The following NEB variants were observed in gnomAD, a reference collection of about 807,000 sequenced individuals.
NEB encodes the protein nemaline myopathy type 2.
Under a neutral mutation model 952.2 loss-of-function variants are expected in NEB, and 512 were observed. That is an observed-to-expected ratio of 0.54 (90% CI 0.50 to 0.58). The LOEUF (loss-of-function observed/expected upper bound fraction) is 0.58. NEB is among the 20% of genes least tolerant of loss of function. The pLI is 0.00. For missense variants in NEB, 8,428 were observed against 9,231.1 expected, an observed-to-expected ratio of 0.91 and a Z score of 3.56; for synonymous variants, 2,900 against 3,149.8, an observed-to-expected ratio of 0.92 and a Z score of 2.66.
intron 52 of NEB, among the ~76,000 whole-genome samples, chr2:151,651,698 G>T (rs890540768): frequency 6.6e-6 from 1 of 152,152 alleles, no homozygotes; most frequent in Non-Finnish European, 1.5e-5. Context: ...TAACAACAGT[G>T]ATAATAATGA....
intron 28 of NEB, among the ~76,000 whole-genome samples, chr2:151,683,417 G>A (rs979463767): frequency 1.3e-5 from 2 of 152,118 alleles, no homozygotes; most frequent in African/African-American, 2.4e-5. Flanking sequence ...ACCATAGGTG[G>A]TACCAAAAAT....
At chr2:151,514,775 T>G in intron 158 of NEB, 43 bp downstream of exon 158, 1 of 1,300,044 alleles carries the variant, frequency 7.7e-7, no homozygotes, top group Non-Finnish European at 1.1e-6. Flanking sequence ...ACTAGTGCAA[T>G]TATTTGGATT....
In NEB at chr2:151,727,731, T is replaced by C. The variant is rs1201662596; in HGVS notation, c.254A>G (p.Tyr85Cys). The change falls in exon 5 of 182, where the codon TAC (tyrosine) becomes TGC (cysteine). Residue 85 changes from tyrosine to cysteine, a missense_variant. Coordinates refer to ENST00000397345, the MANE Select transcript of NEB (RefSeq NM_001164508.2). Reference protein sequence around the residue: ...KVDPSKFMTPYIAHSQKMQDL... With the variant: ...KVDPSKFMTPCIAHSQKMQDL... ...CTGCATTTTCTGACTGTGTGCAATG[T>C]AGGGGGTCATGAACTTTGAAGGATC... 2 of 1,613,618 alleles carry C rather than the reference T, an allele frequency of 1.2e-6. No individual in the cohort carries two copies. The highest frequency in any genetic ancestry group is 1.7e-6 in the Non-Finnish European group (2 of 1,179,684).
intron 12 of NEB, among the ~76,000 whole-genome samples, chr2:151,707,864 C>A (rs1439692025): frequency 2.0e-5 from 3 of 152,190 alleles, no homozygotes; most frequent in African/African-American, 7.2e-5. Context: ...AGGCATCAAC[C>A]CCTCAGCCTC....
chr2:151,523,453 C>G (rs896715066), intron 153 of NEB, among the ~76,000 whole-genome samples: 3 of 152,172 alleles, frequency 2.0e-5, no homozygotes, highest in African/African-American at 7.2e-5. Context: ...TATCCCAAAC[C>G]TATTTCTTCA....
chr2:151,683,240 G>T (rs2099441277), intron 28 of NEB, among the ~76,000 whole-genome samples: 1 of 152,136 alleles, frequency 6.6e-6, no homozygotes, highest in Admixed American at 6.6e-5. Flanking sequence ...TGCACACATG[G>T]CCCTTCATGT....
intron 78 of NEB, among the ~76,000 whole-genome samples, 154 bp from the exon 79 acceptor site, chr2:151,611,020 A>G (rs923636585): frequency 6.6e-6 from 1 of 152,240 alleles, no homozygotes; most frequent in African/African-American, 2.4e-5. Flanking sequence ...AGGGAAGCAA[A>G]AGAGTCATGG....
chr2:151,561,252 G>A lies in NEB; in HGVS notation c.19057C>T (p.Pro6353Ser), dbSNP rs538068134. Residue 6353 changes from proline (P) to serine (S), a missense_variant, in exon 122 of 182, where the codon CCC becomes TCC. Pro to Ser is a moderately conservative substitution (Grantham distance 74). Coordinates refer to ENST00000397345, the MANE Select transcript of NEB (RefSeq NM_001164508.2). ...LQNYNLVTDT[P>S]LYVTAVQSGI... Reference sequence around the variant, plus strand: ...CTCTGAACAGCAGTCACATAGAGGGGCGTGTCTGTGACCAGATTATAGTTT... The same window carrying A: ...CTCTGAACAGCAGTCACATAGAGGGACGTGTCTGTGACCAGATTATAGTTT... 79 of 1,608,458 alleles carry A rather than the reference G, an allele frequency of 4.9e-5. 1 individual carries two copies. The South Asian group carries it at 8.2e-4, about 17-fold the overall frequency.
At chr2:151,569,399 C>T (rs759434584) in intron 109 of NEB, 27 bp from the exon 110 acceptor site, 14 of 1,555,822 alleles carry the variant, frequency 9.0e-6, no homozygotes, top group Non-Finnish European at 1.2e-5. Context: ...AGAATGAGTT[C>T]AGCAACCCTG....
At chr2:151,550,758 C>A (rs904604557) in intron 129 of NEB, among the ~76,000 whole-genome samples, 1 of 152,038 alleles carries the variant, frequency 6.6e-6, no homozygotes, top group Non-Finnish European at 1.5e-5. Flanking sequence ...TTCACCTCAA[C>A]CTCCCAAGTA....
intron 115 of NEB, 39 bp from the exon 116 acceptor site, chr2:151,565,644 C>A (rs1427779344): frequency 3.2e-6 from 5 of 1,563,368 alleles, no homozygotes; most frequent in Non-Finnish European, 4.4e-6. Flanking sequence ...GGTCTACCAC[C>A]ACAGGTTATC....
At chr2:151,655,544 A>G (rs2099078853) in intron 50 of NEB, among the ~76,000 whole-genome samples, 170 bp from the exon 51 acceptor site, 1 of 152,216 alleles carries the variant, frequency 6.6e-6, no homozygotes, top group South Asian at 2.1e-4. Context: ...ATTTAAAAAA[A>G]AAATCTTTTA....
intron 107 of NEB, among the ~76,000 whole-genome samples, chr2:151,570,891 G>T (rs1461385374): frequency 6.6e-6 from 1 of 151,854 alleles, no homozygotes; most frequent in Non-Finnish European, 1.5e-5. Flanking sequence ...ATATTTATAG[G>T]GTGCATGAGA....
chr2:151,623,915 G>C (rs2098466952), intron 71 of NEB, among the ~76,000 whole-genome samples: 1 of 152,118 alleles, frequency 6.6e-6, no homozygotes, highest in South Asian at 2.1e-4. Context: ...ATTTAAAAAA[G>C]ATGCAGTGCT....
intron 10 of NEB, among the ~76,000 whole-genome samples, chr2:151,714,536 C>T (rs371553211): frequency 2.6e-5 from 4 of 152,102 alleles, no homozygotes; most frequent in South Asian, 4.2e-4. Context: ...TGAAGGCTCC[C>T]GTGTGTGCAT....
At chr2:151,697,974 G>A (rs1050190098) in intron 13 of NEB, among the ~76,000 whole-genome samples, 1 of 152,228 alleles carries the variant, frequency 6.6e-6, no homozygotes, top group Non-Finnish European at 1.5e-5. Context: ...GCTGAGGCAG[G>A]AGAATTGCTT....
chr2:151,661,069 G>C lies in NEB; in HGVS notation c.5970+1066C>G, dbSNP rs560832815. Among the ~76,000 whole-genome samples, 3 of 152,088 alleles carry C rather than the reference G, an allele frequency of 2.0e-5. No homozygotes were observed. The East Asian group carries it at 5.8e-4, about 29-fold the overall frequency. ...CTAGTCCAGACCCTGCTGTTGACCC[G>C]CTGTGTGGGAGGTGCTTTGCTTCTC... On this transcript the variant is annotated intron_variant, in intron 46 of 181. Coordinates refer to ENST00000397345, the MANE Select transcript of NEB (RefSeq NM_001164508.2).
chr2:151,557,617 C>G (rs2095751293), intron 124 of NEB, among the ~76,000 whole-genome samples: 1 of 152,190 alleles, frequency 6.6e-6, no homozygotes, highest in South Asian at 2.1e-4. Flanking sequence ...TGAAAATACT[C>G]AATAAAATAT....
At chr2:151,673,110 C>T (rs757429369) in intron 36 of NEB, among the ~76,000 whole-genome samples, 5 of 152,166 alleles carry the variant, frequency 3.3e-5, no homozygotes, top group Non-Finnish European at 7.3e-5. Context: ...TCAGCAGCTG[C>T]TTTCCAAGCT....
Sources: gnomAD v4.1 joint callset for allele counts (sites outside exome capture counted in the v4.1 genomes callset) on GRCh38, gnomAD v4.1.1 for gene constraint, MANE v1.5 for transcripts, NCBI Gene and HGNC (gene_info 2026-07-23, HGNC 2026-07-21) for gene names.